The following EHBP1 variants were observed in gnomAD, a reference collection of about 807,000 sequenced individuals.
EHBP1 encodes EH domain-binding protein 1.
EHBP1 carries 55 observed loss-of-function variants against 144.0 expected under a neutral mutation model. The observed-to-expected ratio is 0.38, with a 90% CI of 0.31 to 0.48. The LOEUF is 0.48. EHBP1 is among the 20% of genes least tolerant of loss of function. EHBP1 has a pLI of 0.98. For synonymous variants in EHBP1, 469 were observed against 472.7 expected (o/e 0.99, Z 0.10); for missense variants, 1,200 against 1,364.2 (o/e 0.88, Z 1.90).
chr2:62,865,713 C>T (rs1220872095), intron 9 of EHBP1, among the ~76,000 whole-genome samples: 1 of 152,140 alleles, frequency 6.6e-6, no homozygotes, highest in Non-Finnish European at 1.5e-5. Flanking sequence ...ACAAACAGCA[C>T]AGGATAATGA....
At chr2:63,023,071 G>C (rs2060826000) in intron 19 of EHBP1, among the ~76,000 whole-genome samples, 1 of 152,146 alleles carries the variant, frequency 6.6e-6, no homozygotes, top group Non-Finnish European at 1.5e-5. Flanking sequence ...CCACAGAAGA[G>C]GCTGAGGCAA....
chr2:62,790,783 T>C (rs577003164), intron 5 of EHBP1, among the ~76,000 whole-genome samples: 1 of 152,116 alleles, frequency 6.6e-6, no homozygotes, highest in African/African-American at 2.4e-5. Flanking sequence ...ATATCCTGTT[T>C]TGTAGATGTT....
intron 2 of EHBP1, among the ~76,000 whole-genome samples, chr2:62,722,190 C>T (rs1430190175): frequency 6.6e-6 from 1 of 151,678 alleles, no homozygotes; most frequent in South Asian, 2.1e-4. Flanking sequence ...AGTGCAGTGG[C>T]GTGTGATCTT....
At chr2:62,900,684 G>GTATATATATATATATA (rs147278087) in intron 10 of EHBP1, among the ~76,000 whole-genome samples, 2 of 141,488 alleles carry the variant, frequency 1.4e-5, no homozygotes, top group African/African-American at 5.6e-5. Flanking sequence ...GTGTGTATGT[G>GTATATATATATATATA]TATATATATA....
chr2:63,030,991 TTCAC>T (rs1246598186), intron 19 of EHBP1, among the ~76,000 whole-genome samples: 1 of 151,806 alleles, frequency 6.6e-6, no homozygotes, highest in Non-Finnish European at 1.5e-5. Context: ...GAGACAGGGT[TTCAC>T]CATGTTGGCC....
At position 62,877,255 on chromosome 2, in the gene EHBP1, A is replaced by G. The variant is rs187110070; in HGVS notation, c.1185+2723A>G. On this transcript the variant is annotated intron_variant, in intron 10 of 22. Coordinates refer to ENST00000431489, the MANE Select transcript of EHBP1 (RefSeq NM_001142616.3). ...TAAGCCAACAAAGATCAGAAAACAC[A>G]AAGAAGGGCATTACATAATGGTAAG... 2.5e-3 allele frequency among the ~76,000 whole-genome samples: 375 copies of G among 152,338 alleles called. 5 individuals are homozygous for G. The highest frequency in any genetic ancestry group is 0.01 in the Middle Eastern group (3 of 294).
chr2:62,677,248 C>G (rs2033333666), intron 1 of EHBP1, among the ~76,000 whole-genome samples: 1 of 152,116 alleles, frequency 6.6e-6, no homozygotes, highest in Non-Finnish European at 1.5e-5. Context: ...TAGATGAATA[C>G]AGCATTTCAA....
At chr2:62,846,581 C>G (rs2048315609) in intron 7 of EHBP1, among the ~76,000 whole-genome samples, 1 of 152,120 alleles carries the variant, frequency 6.6e-6, no homozygotes, top group South Asian at 2.1e-4. Flanking sequence ...AGATTGGGAA[C>G]AAGGCAAGGA....
At chr2:62,790,808 TATTAAATGAGTACA>T (rs1433904257) in intron 5 of EHBP1, among the ~76,000 whole-genome samples, 2 of 152,126 alleles carry the variant, frequency 1.3e-5, no homozygotes, top group African/African-American at 4.8e-5. Flanking sequence ...TTTATACCAT[TATTAAATGAGTACA>T]ACCCTATTCA....
intron 5 of EHBP1, among the ~76,000 whole-genome samples, chr2:62,782,022 G>GA (rs1167775424): frequency 6.6e-6 from 1 of 152,172 alleles, no homozygotes; most frequent in Non-Finnish European, 1.5e-5. Context: ...ACACGCCCAA[G>GA]AACACACAGA....
At chr2:62,692,768 G>C (rs894146713) in intron 1 of EHBP1, among the ~76,000 whole-genome samples, 1 of 151,468 alleles carries the variant, frequency 6.6e-6, no homozygotes, top group African/African-American at 2.4e-5. Context: ...GCACATAGTA[G>C]GTGTATATAT....
At chr2:62,904,889 C>A (rs1039257878) in intron 10 of EHBP1, among the ~76,000 whole-genome samples, 4 of 152,116 alleles carry the variant, frequency 2.6e-5, no homozygotes, top group Non-Finnish European at 5.9e-5. Context: ...GAGTAGTAAA[C>A]AAGAGCAAGT....
intron 19 of EHBP1, among the ~76,000 whole-genome samples, chr2:63,031,907 T>C (rs1295934480): frequency 6.6e-6 from 1 of 151,978 alleles, no homozygotes; most frequent in Admixed American, 6.6e-5. Flanking sequence ...TCAGCCTGGG[T>C]GACAGAGCAA....
chr2:62,887,844 AAC>A (rs2052071671), intron 10 of EHBP1, among the ~76,000 whole-genome samples: 1 of 152,206 alleles, frequency 6.6e-6, no homozygotes, highest in Non-Finnish European at 1.5e-5. Context: ...ACAATGCAAA[AAC>A]ACAAAAAAAC....
At chr2:62,757,625 G>T (rs926734723) in intron 3 of EHBP1, among the ~76,000 whole-genome samples, 2 of 151,650 alleles carry the variant, frequency 1.3e-5, no homozygotes, top group African/African-American at 4.8e-5. Flanking sequence ...GTAGAGACGG[G>T]CTTTCACCAT....
chr2:62,753,647 C>T (rs527266387), intron 3 of EHBP1, among the ~76,000 whole-genome samples: 7 of 152,124 alleles, frequency 4.6e-5, no homozygotes, highest in African/African-American at 7.2e-5. Context: ...ACCAATCAGA[C>T]GTAGATTTGG....
chr2:62,673,988 C>T, exon 1 of EHBP1: 1 of 470,358 alleles, frequency 2.1e-6, no homozygotes, highest in Admixed American at 2.4e-5. Flanking sequence ...TTAGCATGCC[C>T]CTGTAGCAGC....
chr2:63,036,677 G>A (rs2061453628), intron 19 of EHBP1, among the ~76,000 whole-genome samples: 1 of 151,906 alleles, frequency 6.6e-6, no homozygotes, highest in Admixed American at 6.6e-5. Flanking sequence ...GGAGAGAAAG[G>A]AAGCTAGGAA....
At chr2:63,031,806 G>A (rs1283851608) in intron 19 of EHBP1, among the ~76,000 whole-genome samples, 2 of 152,086 alleles carry the variant, frequency 1.3e-5, no homozygotes, top group African/African-American at 2.4e-5. Flanking sequence ...GCGCACACCT[G>A]TGATCCCAGC....
Sources: allele counts gnomAD v4.1 joint callset (sites outside exome capture counted in the v4.1 genomes callset), GRCh38; gene constraint gnomAD v4.1.1; transcripts MANE v1.5; gene names NCBI Gene and HGNC (gene_info 2026-07-23, HGNC 2026-07-21).